Variants in PAFAH1B1 observed in about 807,000 individuals in gnomAD.
PAFAH1B1 encodes platelet-activating factor acetylhydrolase IB subunit beta.
A neutral mutation model predicts 57.5 loss-of-function variants in PAFAH1B1; 2 were observed. The ratio of observed to expected loss-of-function variants is 0.03; its 90% CI spans 0.01 to 0.11. The LOEUF is 0.11. PAFAH1B1 is among the 10% of genes least tolerant of loss of function. The pLI is 1.00. For missense variants in PAFAH1B1, 257 were observed against 512.0 expected, an observed-to-expected ratio of 0.50 and a Z score of 4.81; for synonymous variants, 152 against 169.6, an observed-to-expected ratio of 0.90 and a Z score of 0.81.
intron 1 of PAFAH1B1, among the ~76,000 whole-genome samples, chr17:2,603,104 G>C (rs939209294): frequency 1.3e-5 from 2 of 152,152 alleles, no homozygotes; most frequent in African/African-American, 4.8e-5. Flanking sequence ...TGTCCTCTCT[G>C]TCTAGAGCAA....
chr17:2,628,082 CTGAT>C (rs2068513921), intron 1 of PAFAH1B1, among the ~76,000 whole-genome samples: 1 of 152,154 alleles, frequency 6.6e-6, no homozygotes, highest in African/African-American at 2.4e-5. Context: ...TTTCTCTTGT[CTGAT>C]TGCTCTGGCT....
chr17:2,679,938 G>A (rs575346255), intron 9 of PAFAH1B1: 12 of 546,400 alleles, frequency 2.2e-5, no homozygotes, highest in South Asian at 2.0e-4. Context: ...AATGCCCTGC[G>A]GGACTTCTTT....
intron 1 of PAFAH1B1, among the ~76,000 whole-genome samples, chr17:2,623,731 G>T (rs2068453185): frequency 7.2e-6 from 1 of 138,970 alleles, no homozygotes; most frequent in Non-Finnish European, 1.6e-5. Context: ...GGGTTGAAGT[G>T]ATTCTCCTGC....
In PAFAH1B1 at chr17:2,623,753, G is replaced by GGTAGCTGGGATCCCAGCCACA. The variant is rs776319018; in HGVS notation, c.-190-14334_-190-14314dup. On this transcript the variant is annotated intron_variant, in intron 1 of 10. Coordinates refer to ENST00000397195, the MANE Select transcript of PAFAH1B1 (RefSeq NM_000430.4). ...AGTGATTCTCCTGCCTCAGCCTCCAGGTAGCTGGGATCCCAGCCACAGTAG... is the reference window on the plus strand; with the variant it reads ...AGTGATTCTCCTGCCTCAGCCTCCAGGTAGCTGGGATCCCAGCCACAGTAGCTGGGATCCCAGCCACAGTAG... Among the ~76,000 whole-genome samples the GGTAGCTGGGATCCCAGCCACA allele has an allele frequency of 9.5e-4, 106 of 111,150 alleles. 1 individual carries two copies. Among genetic ancestry groups the GGTAGCTGGGATCCCAGCCACA allele is most frequent in the African/African-American group, 2.9e-3 (86 of 29,374 alleles). 72.9% of individuals were successfully genotyped at this position (111,150 alleles called of 152,430 possible).
At position 2,670,358 on chromosome 17, in the gene PAFAH1B1, C is replaced by T. The variant is rs3213696; in HGVS notation, c.568+27C>T. On this transcript the variant is annotated intron_variant, in intron 6 of 10. Transcript: ENST00000397195. ...TAAGGGGTAGAGGATAGTGCTTTAA[C>T]AGTAATTTCTATCATGGTACTTCAG... 1,460,152 of 1,587,934 alleles carry T rather than the reference C, an allele frequency of 0.92. 672,222 individuals carry two copies. Among genetic ancestry groups the T allele is most frequent in the Non-Finnish European group, 0.93 (1,072,949 of 1,156,284 alleles).
chr17:2,675,104 C>G (rs1158024258), intron 8 of PAFAH1B1, among the ~76,000 whole-genome samples: 1 of 152,162 alleles, frequency 6.6e-6, no homozygotes, highest in African/African-American at 2.4e-5. Flanking sequence ...CAGGTTCAGG[C>G]GATTCTCCTG....
At chr17:2,671,721 G>C (rs537484892) in intron 6 of PAFAH1B1, among the ~76,000 whole-genome samples, 13 of 149,438 alleles carry the variant, frequency 8.7e-5, no homozygotes, top group African/African-American at 3.2e-4. Flanking sequence ...TCCCACCTCA[G>C]CCTCCAAAGT....
At chr17:2,619,608 C>G (rs1373670682) in intron 1 of PAFAH1B1, among the ~76,000 whole-genome samples, 1 of 151,500 alleles carries the variant, frequency 6.6e-6, no homozygotes, top group South Asian at 2.1e-4. Context: ...AAGTTCAGAA[C>G]TAATTGTAAT....
At chr17:2,621,550 T>G (rs565037544) in intron 1 of PAFAH1B1, among the ~76,000 whole-genome samples, 2 of 151,344 alleles carry the variant, frequency 1.3e-5, no homozygotes, top group South Asian at 4.2e-4. Flanking sequence ...TGGAAAATAT[T>G]TGGATTAAGA....
chr17:2,605,300 C>T lies in PAFAH1B1; in HGVS notation c.-191+11294C>T, dbSNP rs2068192412. ...AACTGAGAAACGAGGTGTTATTAGC[C>T]ATAGCAGAGAATAAGAGGAGGAGTT... On this transcript the variant is annotated intron_variant, in intron 1 of 10. Transcript: ENST00000397195. Among the ~76,000 whole-genome samples the T allele has an allele frequency of 2.0e-5, 3 of 152,012 alleles. No individual in the cohort carries two copies. The South Asian group carries it at 6.2e-4, about 32-fold the overall frequency.
intron 1 of PAFAH1B1, among the ~76,000 whole-genome samples, chr17:2,595,978 A>G (rs1291144848): frequency 6.6e-6 from 1 of 152,188 alleles, no homozygotes. Flanking sequence ...TTGCCCTTTC[A>G]CAGCGTCTTT....
At chr17:2,642,406 G>A (rs941725622) in intron 2 of PAFAH1B1, 1 of 152,032 alleles carries the variant, frequency 6.6e-6, no homozygotes, top group Non-Finnish European at 1.5e-5. Context: ...TTAGAACTTG[G>A]GGATAAGTGT....
At chr17:2,672,897 A>G (rs1046381540) in intron 7 of PAFAH1B1, 140 bp downstream of exon 7, 6 of 673,842 alleles carry the variant, frequency 8.9e-6, no homozygotes, top group Admixed American at 8.6e-5. Flanking sequence ...ATGAAACCCC[A>G]TCTCTACTAA....
intron 10 of PAFAH1B1, 164 bp from the exon 11 acceptor site, chr17:2,681,565 A>T (rs896281581): frequency 2.8e-5 from 17 of 605,858 alleles, no homozygotes; most frequent in Non-Finnish European, 5.0e-5. Flanking sequence ...TCCCAGCTCA[A>T]ACAGTTCTGC....
At chr17:2,617,059 C>T (rs751084172) in intron 1 of PAFAH1B1, among the ~76,000 whole-genome samples, 3 of 152,020 alleles carry the variant, frequency 2.0e-5, no homozygotes, top group Admixed American at 1.3e-4. Flanking sequence ...GGCGACAGAA[C>T]GAGACTCCGT....
rs2069414423 is a variant in PAFAH1B1 at position 2,683,299 on chromosome 17, C to CGTT, written c.*1497_*1498insGTT. 1 of 152,042 alleles carries CGTT rather than the reference C, an allele frequency of 6.6e-6. No individual in the cohort carries two copies. The highest frequency in any genetic ancestry group is 2.1e-4 in the South Asian group (1 of 4,820). The allele number at this position is 152,042 out of a possible 1,614,324, so 9.4% of individuals were successfully genotyped here. A position where few individuals can be genotyped will look rare whatever the true frequency, so the allele number is the denominator to read the frequency against. On this transcript the variant is annotated 3_prime_UTR_variant, in exon 11 of 11. Transcript: ENST00000397195. ...TAAAGAATTCCATTGCTTAGCTAAC[C>CGTT]AACAGGTTTTTTTTGTTTCCAAGAG...
chr17:2,605,874 TTGA>T (rs1397606947), intron 1 of PAFAH1B1, among the ~76,000 whole-genome samples: 1 of 151,954 alleles, frequency 6.6e-6, no homozygotes, highest in Non-Finnish European at 1.5e-5. Flanking sequence ...ATGGTGATGA[TTGA>T]TGATGATTAA....
intron 1 of PAFAH1B1, among the ~76,000 whole-genome samples, chr17:2,635,142 A>G (rs1484353371): frequency 6.6e-6 from 1 of 151,686 alleles, no homozygotes; most frequent in Non-Finnish European, 1.5e-5. Flanking sequence ...CTGGGCAACA[A>G]GAGTGAAACT....
chr17:2,657,899 A>G (rs981900123), intron 2 of PAFAH1B1, among the ~76,000 whole-genome samples: 2 of 152,198 alleles, frequency 1.3e-5, no homozygotes, highest in East Asian at 1.9e-4. Context: ...TACATGTTTT[A>G]TAGTGAAATT....
Sources: gnomAD v4.1 joint callset for allele counts (sites outside exome capture counted in the v4.1 genomes callset) on GRCh38, gnomAD v4.1.1 for gene constraint, MANE v1.5 for transcripts, NCBI Gene and HGNC (gene_info 2026-07-23, HGNC 2026-07-21) for gene names.